The following CCDC93 variants were observed in gnomAD, a reference collection of about 807,000 sequenced individuals.
CCDC93 encodes the protein coiled-coil domain-containing protein 93.
A neutral mutation model predicts 108.2 loss-of-function variants in CCDC93; 61 were observed. That is an observed-to-expected ratio of 0.56 (90% CI 0.46 to 0.70). CCDC93 has a LOEUF of 0.70. Among genes scored for constraint, CCDC93 ranks in the 30% least tolerant of loss-of-function variants. CCDC93 has a pLI of 0.00. For missense variants in CCDC93, 685 were observed against 764.2 expected, an observed-to-expected ratio of 0.90 and a Z score of 1.22; for synonymous variants, 276 against 260.4, an observed-to-expected ratio of 1.06 and a Z score of -0.58.
chr2:117,938,104 C>T (rs1678579128), intron 20 of CCDC93, among the ~76,000 whole-genome samples: 1 of 152,216 alleles, frequency 6.6e-6, no homozygotes, highest in African/African-American at 2.4e-5. Context: ...CAAGTATGTA[C>T]TGAGAATCCA....
In CCDC93 at chr2:117,931,064, G is replaced by A; in HGVS notation, c.1815C>T (p.Tyr605=). ...CCTTGAACTCTTTCACAGTCTTAAA[G>A]TATAGCCTCTGCTTTTCTAACAGCT... ...YLELLEKQRL[Y]FKTVKEFKEE... The change falls in exon 23 of 24, where the codon TAC becomes TAT. Residue 605 remains tyrosine (Y), a synonymous_variant. Coordinates refer to ENST00000376300, the MANE Select transcript of CCDC93 (RefSeq NM_019044.5). 1.2e-6 allele frequency: 2 copies of A among 1,612,820 alleles called. No individual in the cohort carries two copies. The highest frequency in any genetic ancestry group is 1.7e-6 in the Non-Finnish European group (2 of 1,178,832).
At chr2:118,005,492 G>A (rs11684454) in intron 3 of CCDC93, among the ~76,000 whole-genome samples, 44,378 of 152,042 alleles carry the variant, frequency 0.29, 6,751 homozygotes, top group East Asian at 0.4. Flanking sequence ...GGCCAGGTGC[G>A]GTGGCTCACA....
chr2:118,002,767 G>A (rs1676743981), intron 3 of CCDC93, among the ~76,000 whole-genome samples: 1 of 152,156 alleles, frequency 6.6e-6, no homozygotes, highest in Non-Finnish European at 1.5e-5. Context: ...GCCAGGCATG[G>A]TAGCTCATGC....
intron 23 of CCDC93, among the ~76,000 whole-genome samples, chr2:117,927,005 C>T (rs1313925570): frequency 2.6e-5 from 4 of 152,030 alleles, no homozygotes; most frequent in Non-Finnish European, 5.9e-5. Context: ...ATAAACAGAA[C>T]CAAAGACAAA....
intron 1 of CCDC93, among the ~76,000 whole-genome samples, chr2:118,011,454 C>T (rs1352549530): frequency 6.6e-6 from 1 of 152,120 alleles, no homozygotes; most frequent in Non-Finnish European, 1.5e-5. Context: ...AAATAATTCA[C>T]ACCTTCTCTC....
rs753072596 is a variant in CCDC93 at position 117,996,316 on chromosome 2, T to C, written c.410A>G (p.Tyr137Cys). Residue 137 changes from tyrosine (Y) to cysteine (C), a missense_variant, in exon 5 of 24, where the codon TAT (tyrosine) becomes TGT (cysteine). Transcript: ENST00000376300. ...AIETKEEMGD[Y>C]IRSYSVSQFQ... ...CTGGGATACAGAGTAGGAGCGGATA[T>C]AGTCACCCATCTCTTCTTTTGTTTC... is the stretch of plus-strand genomic sequence containing the variant. The C allele has an allele frequency of 9.3e-6, 15 of 1,613,694 alleles. No homozygotes were observed. The highest frequency in any genetic ancestry group is 1.1e-5 in the Non-Finnish European group (13 of 1,179,720).
rs765486267 is a variant in CCDC93 at position 118,014,068 on chromosome 2, G to C, written c.-73C>G. On this transcript the variant is annotated 5_prime_UTR_variant, in exon 1 of 24. Coordinates refer to ENST00000376300, the MANE Select transcript of CCDC93 (RefSeq NM_019044.5). ...CGGAGGAAGCTGTCCCTGCCGCGGA[G>C]CTGCTACCGGGGTGGAGTACAAAGC... 4.7e-5 allele frequency: 74 copies of C among 1,559,114 alleles called. 2 individuals carry two copies. In the South Asian group the frequency reaches 7.2e-4, roughly 15 times the overall value.
intron 7 of CCDC93, 91 bp from the exon 8 acceptor site, chr2:117,978,121 A>T (rs950556831): frequency 7.0e-6 from 8 of 1,142,960 alleles, no homozygotes; most frequent in Non-Finnish European, 1.1e-5. Context: ...TACATGAAAA[A>T]CATCAAGAGA....
chr2:118,008,771 A>C (rs1025808586), intron 1 of CCDC93, 113 bp from the exon 2 acceptor site: 1 of 663,296 alleles, frequency 1.5e-6, no homozygotes, highest in Non-Finnish European at 2.7e-6. Context: ...CATTGGCTAC[A>C]TCACCACAAT....
chr2:117,938,742 A>G (rs34806786), intron 20 of CCDC93, among the ~76,000 whole-genome samples: 3,016 of 152,154 alleles, frequency 0.02, 35 homozygotes, highest in Middle Eastern at 0.054. Flanking sequence ...TTAAATCTCA[A>G]ACTAGTCTCA....
chr2:117,958,210 A>G (rs1466522826), intron 12 of CCDC93, among the ~76,000 whole-genome samples, 155 bp downstream of exon 12: 1 of 152,200 alleles, frequency 6.6e-6, no homozygotes, highest in East Asian at 1.9e-4. Flanking sequence ...GTGTAAACAA[A>G]TGGATGTGTT....
In CCDC93 at chr2:117,958,630, G is replaced by A. The variant is rs180799968; in HGVS notation, c.889-149C>T. On this transcript the variant is annotated intron_variant, in intron 11 of 23. Coordinates refer to ENST00000376300, the MANE Select transcript of CCDC93 (RefSeq NM_019044.5). ...TACAGAGGCCTGTTCAAAACCTGGC[G>A]TACAGAAGAGATTCTGACACAATGA... The A allele has an allele frequency of 5.7e-4, 352 of 621,714 alleles. No individual in the cohort carries two copies. The African/African-American group carries it at 6.0e-3, about 11-fold the overall frequency. The allele number at this position is 621,714 out of a possible 1,614,324, so 38.5% of individuals were successfully genotyped here. A position where few individuals can be genotyped will look rare whatever the true frequency, so the allele number is the denominator to read the frequency against.
chr2:117,935,811 G>GTCATACTTTCCCTGTAACTT (rs2104721483), intron 21 of CCDC93: 1 of 379,084 alleles, frequency 2.6e-6, no homozygotes, highest in Non-Finnish European at 4.7e-6. Flanking sequence ...AATCTTTTTT[G>GTCATACTTTCCCTGTAACTT]TCATACTTTC....
chr2:118,007,773 A>G (rs896118537), intron 2 of CCDC93, among the ~76,000 whole-genome samples: 2 of 152,264 alleles, frequency 1.3e-5, no homozygotes, highest in Non-Finnish European at 2.9e-5. Context: ...GCCCAAGCCC[A>G]GACCTAGCTA....
chr2:117,922,202 G>T (rs189116288), intron 23 of CCDC93, among the ~76,000 whole-genome samples: 1 of 152,104 alleles, frequency 6.6e-6, no homozygotes, highest in Non-Finnish European at 1.5e-5. Flanking sequence ...TCTACCGTGG[G>T]GAACTGTGTG....
chr2:118,013,798 T>C (rs1677085023), intron 1 of CCDC93, among the ~76,000 whole-genome samples, 156 bp downstream of exon 1: 1 of 151,888 alleles, frequency 6.6e-6, no homozygotes, highest in African/African-American at 2.4e-5. Flanking sequence ...GCTCCCCGCC[T>C]CCAAGAAGAG....
chr2:117,975,376 C>A (rs1679910261), intron 8 of CCDC93, 96 bp from the exon 9 acceptor site: 2 of 868,344 alleles, frequency 2.3e-6, no homozygotes, highest in Non-Finnish European at 1.9e-6. Flanking sequence ...GTGAAAAAAA[C>A]ACAGACCTGC....
intron 7 of CCDC93, chr2:117,985,382 T>TA (rs1680285479): frequency 1.3e-6 from 1 of 780,074 alleles, no homozygotes; most frequent in Non-Finnish European, 1.6e-6. Flanking sequence ...CAAGGAGACT[T>TA]ACTCACATCA....
intron 1 of CCDC93, among the ~76,000 whole-genome samples, chr2:118,012,168 G>C (rs1573538556): frequency 6.6e-6 from 1 of 152,080 alleles, no homozygotes; most frequent in Non-Finnish European, 1.5e-5. Context: ...CAGCTACTGG[G>C]AAGCCTGAGG....
Sources: gnomAD v4.1 joint callset for allele counts (sites outside exome capture counted in the v4.1 genomes callset) on GRCh38, gnomAD v4.1.1 for gene constraint, MANE v1.5 for transcripts, NCBI Gene and HGNC (gene_info 2026-07-23, HGNC 2026-07-21) for gene names.